KCNMA1: variants seen among roughly 807,000 people sequenced by gnomAD.
KCNMA1 encodes potassium calcium-activated channel subfamily M alpha 1, also known as Calcium-activated potassium channel subunit alpha-1.
KCNMA1 carries 29 observed loss-of-function variants against 140.0 expected under a neutral mutation model. The ratio of observed to expected loss-of-function variants is 0.21; its 90% confidence interval spans 0.15 to 0.28. The LOEUF is 0.28. Ranked by LOEUF, KCNMA1 falls within the 10% of genes least tolerant of loss-of-function variation. The pLI, the probability that KCNMA1 is intolerant of heterozygous loss-of-function variation, is 1.00. For synonymous variants in KCNMA1, 612 were observed against 611.9 expected (o/e 1.00, Z 0.00); for missense variants, 880 against 1,602.2 (o/e 0.55, Z 7.70).
intron 1 of KCNMA1, among the ~76,000 whole-genome samples, chr10:77,418,118 A>AGTT (rs2096783164): frequency 1.3e-5 from 2 of 152,198 alleles, no homozygotes; most frequent in African/African-American, 4.8e-5. Flanking sequence ...AGTCCAGAGC[A>AGTT]GTTGCTAATG....
chr10:77,152,278 T>TTGTGTGTGTGTGTGTGTG lies in KCNMA1; in HGVS notation c.808+31125_808+31142dup, dbSNP rs72088425. 8.4e-3 allele frequency among the ~76,000 whole-genome samples: 832 copies of TTGTGTGTGTGTGTGTGTG among 99,142 alleles called. 5 individuals carry two copies. Among genetic ancestry groups the TTGTGTGTGTGTGTGTGTG allele is most frequent in the African/African-American group, 0.019 (559 of 28,768 alleles). 65.0% of individuals were successfully genotyped at this position (99,142 alleles called of 152,430 possible). On this transcript the variant is annotated intron_variant, in intron 5 of 27. Transcript: ENST00000286628. Reference sequence around the variant, plus strand: ...TGGAGACTCTTCTGTTTTTTTGCTTTTGTGTGTGTGTGTGTGTGTGTGTGT... The same window carrying TTGTGTGTGTGTGTGTGTG: ...TGGAGACTCTTCTGTTTTTTTGCTTTTGTGTGTGTGTGTGTGTGTGTGTGTGTGTGTGTGTGTGTGTGT...
intron 1 of KCNMA1, among the ~76,000 whole-genome samples, chr10:77,420,933 C>T (rs1176397055): frequency 6.6e-6 from 1 of 152,246 alleles, no homozygotes; most frequent in African/African-American, 2.4e-5. Context: ...ATTCTCCACA[C>T]TGAAGCCAGA....
intron 1 of KCNMA1, among the ~76,000 whole-genome samples, chr10:77,628,994 G>C (rs1312308228): frequency 6.6e-6 from 1 of 152,234 alleles, no homozygotes; most frequent in Non-Finnish European, 1.5e-5. Flanking sequence ...ATCTGGTAGA[G>C]AGGCCAGTGA....
At chr10:77,107,375 G>A (rs963029229) in intron 9 of KCNMA1, among the ~76,000 whole-genome samples, 6 of 152,090 alleles carry the variant, frequency 3.9e-5, no homozygotes, top group East Asian at 1.9e-4. Context: ...GTGTACATAG[G>A]TACAAGTTCC....
intron 2 of KCNMA1, among the ~76,000 whole-genome samples, chr10:77,291,949 TG>T (rs1255596677): frequency 1.3e-5 from 2 of 152,192 alleles, no homozygotes; most frequent in Non-Finnish European, 2.9e-5. Flanking sequence ...CTGAACATCT[TG>T]ATGCCAGGAG....
chr10:77,377,130 G>A (rs1173153226), intron 2 of KCNMA1, among the ~76,000 whole-genome samples: 1 of 152,172 alleles, frequency 6.6e-6, no homozygotes, highest in Non-Finnish European at 1.5e-5. Context: ...GCCTGGACGT[G>A]GGAAAGAAGG....
intron 25 of KCNMA1, chr10:76,901,495 G>T (rs557428636): frequency 6.6e-6 from 1 of 152,132 alleles, no homozygotes; most frequent in Non-Finnish European, 1.5e-5. Flanking sequence ...TCAAATCTTT[G>T]GGATTTGACC....
intron 23 of KCNMA1, among the ~76,000 whole-genome samples, chr10:76,941,437 G>A (rs1290209625): frequency 6.6e-6 from 1 of 152,170 alleles, no homozygotes; most frequent in Non-Finnish European, 1.5e-5. Flanking sequence ...GTGGAGTGCT[G>A]GGTCTGCAGC....
At chr10:77,376,091 A>AC in intron 2 of KCNMA1, among the ~76,000 whole-genome samples, 1 of 152,354 alleles carries the variant, frequency 6.6e-6, no homozygotes, top group South Asian at 2.1e-4. Context: ...TAAAACTCAG[A>AC]CAGGCCACGG....
intron 1 of KCNMA1, among the ~76,000 whole-genome samples, chr10:77,594,092 G>A (rs2080061906): frequency 6.6e-6 from 1 of 152,124 alleles, no homozygotes; most frequent in African/African-American, 2.4e-5. Context: ...TGAAGAAAAA[G>A]GCCCCAATTT....
intron 1 of KCNMA1, among the ~76,000 whole-genome samples, chr10:77,548,319 C>T (rs1379376864): frequency 6.6e-6 from 1 of 152,192 alleles, no homozygotes; most frequent in Non-Finnish European, 1.5e-5. Flanking sequence ...CCTGCAACCA[C>T]GCCCAACACT....
intron 5 of KCNMA1, among the ~76,000 whole-genome samples, chr10:77,173,167 T>TA (rs2098723346): frequency 6.6e-6 from 1 of 152,230 alleles, no homozygotes; most frequent in East Asian, 1.9e-4. Context: ...TTTATTTGGC[T>TA]ACTTGTATAG....
intron 23 of KCNMA1, among the ~76,000 whole-genome samples, chr10:76,932,170 A>G (rs1474004037): frequency 2.6e-5 from 4 of 152,168 alleles, no homozygotes; most frequent in Non-Finnish European, 4.4e-5. Context: ...ATATTTGCAT[A>G]TTTATGACAA....
At chr10:76,941,600 T>G (rs1015728039) in intron 23 of KCNMA1, among the ~76,000 whole-genome samples, 3 of 152,166 alleles carry the variant, frequency 2.0e-5, no homozygotes, top group Non-Finnish European at 2.9e-5. Flanking sequence ...ACATAAAGTC[T>G]TGGTGGGCCT....
Position 77,094,592 on chromosome 10 carries a change from C to A in KCNMA1, c.1224-4082G>T, listed in dbSNP as rs140170174. ...GCAAAGTCTGATTACAGGCAGAAATCATAAGTTCCACCGGTCAGGAACTCT... is the reference window on the plus strand; with the variant it reads ...GCAAAGTCTGATTACAGGCAGAAATAATAAGTTCCACCGGTCAGGAACTCT... On this transcript the variant is annotated intron_variant, in intron 9 of 27. Transcript: ENST00000286628. Among the ~76,000 whole-genome samples, 153 of 152,314 alleles carry A rather than the reference C, an allele frequency of 1.0e-3. 1 individual carries two copies. Among genetic ancestry groups the A allele is most frequent in the Non-Finnish European group, 1.9e-3 (126 of 68,024 alleles).
chr10:77,626,534 G>T (rs1401578123), intron 1 of KCNMA1, among the ~76,000 whole-genome samples: 2 of 152,082 alleles, frequency 1.3e-5, no homozygotes, highest in Non-Finnish European at 2.9e-5. Context: ...ACTTATCTCT[G>T]AGTTCTCCAT....
At chr10:77,189,127 G>T (rs2098914873) in intron 3 of KCNMA1, among the ~76,000 whole-genome samples, 2 of 152,126 alleles carry the variant, frequency 1.3e-5, no homozygotes, top group Admixed American at 1.3e-4. Flanking sequence ...GGGGGCCCTA[G>T]ATTTTGCATT....
At chr10:77,181,561 A>G (rs1464441916) in intron 5 of KCNMA1, among the ~76,000 whole-genome samples, 2 of 152,208 alleles carry the variant, frequency 1.3e-5, no homozygotes, top group Non-Finnish European at 2.9e-5. Flanking sequence ...TTTATCTTAC[A>G]GATGAAAAAC....
rs144277340 is a variant in KCNMA1, at chr10:77,565,281, G to A, written c.378+71984C>T. On this transcript the variant is annotated intron_variant, in intron 1 of 27. Coordinates refer to ENST00000286628, the MANE Select transcript of KCNMA1 (RefSeq NM_001161352.2). ...CCATTCCCGTTTTAGAGGACAACGC[G>A]GATGGTAAGCACTCCCTTAAAGGAA... is the stretch of plus-strand genomic sequence containing the variant. Among the ~76,000 whole-genome samples the A allele has an allele frequency of 9.4e-4, 143 of 152,310 alleles. 2 individuals are homozygous for A. The East Asian group carries it at 0.027, about 29-fold the overall frequency.
Sources: gnomAD v4.1 joint callset for allele counts (sites outside exome capture counted in the v4.1 genomes callset) on GRCh38, gnomAD v4.1.1 for gene constraint, MANE v1.5 for transcripts, NCBI Gene and HGNC (gene_info 2026-07-23, HGNC 2026-07-21) for gene names.